Variants in RARB observed in about 807,000 individuals in gnomAD.
RARB encodes the protein HBV-activated protein.
RARB carries 17 observed loss-of-function variants against 51.9 expected under a neutral mutation model. The observed-to-expected ratio is 0.33, with a 90% CI of 0.22 to 0.49. The LOEUF (loss-of-function observed/expected upper bound fraction) is 0.49, where lower values mean the gene tolerates loss of function less well. RARB is among the 20% of genes least tolerant of loss of function. The pLI is 0.99. For synonymous variants in RARB, 215 were observed against 195.4 expected, an observed-to-expected ratio of 1.10 and a Z score of -0.84; for missense variants, 369 against 550.8, an observed-to-expected ratio of 0.67 and a Z score of 3.30.
At chr3:25,251,324 A>C (rs980709463) in intron 5 of RARB, among the ~76,000 whole-genome samples, 1 of 152,120 alleles carries the variant, frequency 6.6e-6, no homozygotes. Flanking sequence ...TAATGCTGCT[A>C]TAAATATTTG....
At chr3:25,556,800 T>C (rs1383215793) in intron 3 of RARB, among the ~76,000 whole-genome samples, 4 of 152,178 alleles carry the variant, frequency 2.6e-5, no homozygotes, top group Non-Finnish European at 4.4e-5. Flanking sequence ...CAAACTGTCC[T>C]TACAGCTGAG....
At chr3:25,252,709 C>T (rs1423088142) in intron 5 of RARB, among the ~76,000 whole-genome samples, 1 of 152,148 alleles carries the variant, frequency 6.6e-6, no homozygotes, top group Non-Finnish European at 1.5e-5. Context: ...ATTCTGCCAC[C>T]TTGCTGAACA....
At chr3:25,098,773 G>C (rs554679825) in intron 3 of RARB, among the ~76,000 whole-genome samples, 1 of 152,112 alleles carries the variant, frequency 6.6e-6, no homozygotes, top group African/African-American at 2.4e-5. Flanking sequence ...TACTGACCCC[G>C]ATCCTAAATA....
At chr3:25,196,128 T>A (rs1701227888) in intron 5 of RARB, among the ~76,000 whole-genome samples, 1 of 152,014 alleles carries the variant, frequency 6.6e-6, no homozygotes, top group South Asian at 2.1e-4. Context: ...AGTACAGGTT[T>A]ATTATGTATG....
intron 2 of RARB, among the ~76,000 whole-genome samples, chr3:25,012,630 C>G (rs1381358218): frequency 6.6e-6 from 1 of 152,126 alleles, no homozygotes; most frequent in African/African-American, 2.4e-5. Context: ...CATATTTTGA[C>G]TTTCTAATGA....
rs145859770 is a variant in RARB, at chr3:24,904,749, C to T, written c.-380+45997C>T. 7.3e-3 allele frequency among the ~76,000 whole-genome samples: 1,108 copies of T among 152,254 alleles called. 13 individuals carry two copies. Among genetic ancestry groups the T allele is most frequent in the African/African-American group, 0.025 (1,023 of 41,540 alleles). ...GCAGCACTGTTCACAATAGCAAAAA[C>T]TTGGAACCAACCCAAATGCCCATCA... is the stretch of plus-strand genomic sequence containing the variant. On this transcript the variant is annotated intron_variant, in intron 2 of 11. Coordinates refer to the RARB transcript ENST00000383772.
intron 5 of RARB, among the ~76,000 whole-genome samples, chr3:25,374,143 G>A (rs950725927): frequency 5.3e-5 from 8 of 152,154 alleles, no homozygotes; most frequent in African/African-American, 9.7e-5. Flanking sequence ...CTGAGTGGAC[G>A]TAGCTGGATG....
intron 5 of RARB, among the ~76,000 whole-genome samples, chr3:25,356,351 T>C (rs549122017): frequency 1.6e-3 from 243 of 152,256 alleles, no homozygotes; most frequent in Middle Eastern, 3.4e-3. Context: ...TTTTGACATT[T>C]TCTAAGTTTT....
At chr3:25,291,281 C>T (rs972614780) in intron 5 of RARB, among the ~76,000 whole-genome samples, 6 of 152,252 alleles carry the variant, frequency 3.9e-5, no homozygotes, top group South Asian at 2.1e-4. Flanking sequence ...AAGCATGGAA[C>T]GCTGTGCATT....
intron 5 of RARB, among the ~76,000 whole-genome samples, chr3:25,408,438 C>G (rs1340335171): frequency 6.6e-6 from 1 of 152,072 alleles, no homozygotes; most frequent in East Asian, 1.9e-4. Context: ...ACTCTCAGAT[C>G]TCATGAGAAC....
intron 2 of RARB, among the ~76,000 whole-genome samples, chr3:24,864,120 GCTTA>G (rs992310668): frequency 5.3e-5 from 8 of 152,168 alleles, no homozygotes; most frequent in South Asian, 4.1e-4. Context: ...CTTGCACTGA[GCTTA>G]CTTGTTTCAC....
chr3:25,317,941 C>A (rs766771531), intron 5 of RARB, among the ~76,000 whole-genome samples: 27 of 152,056 alleles, frequency 1.8e-4, no homozygotes, highest in Non-Finnish European at 1.3e-4. Flanking sequence ...TGGAATTAGT[C>A]TGAATTGATG....
At chr3:24,876,784 A>T (rs1387302057) in intron 2 of RARB, among the ~76,000 whole-genome samples, 2 of 152,164 alleles carry the variant, frequency 1.3e-5, no homozygotes, top group Admixed American at 1.3e-4. Context: ...AAATTTTCTT[A>T]CGTATGGAAA....
intron 3 of RARB, among the ~76,000 whole-genome samples, chr3:25,533,152 T>A (rs961107211): frequency 8.5e-5 from 13 of 152,230 alleles, no homozygotes; most frequent in African/African-American, 3.1e-4. Flanking sequence ...CAAAAAGCTC[T>A]ATTTTTATAA....
chr3:25,278,056 G>A (rs892739774), intron 5 of RARB, among the ~76,000 whole-genome samples: 5 of 152,144 alleles, frequency 3.3e-5, no homozygotes, highest in Admixed American at 6.5e-5. Context: ...ATTGCTAGAC[G>A]ATATAGTGCT....
intron 1 of RARB, among the ~76,000 whole-genome samples, chr3:25,453,232 C>T (rs1019264492): frequency 3.5e-5 from 5 of 144,162 alleles, no homozygotes; most frequent in Middle Eastern, 3.7e-3. Flanking sequence ...TGGGGTGGGG[C>T]CAAGATTCTG....
At chr3:25,088,418 C>A (rs1284818977) in intron 3 of RARB, among the ~76,000 whole-genome samples, 1 of 152,118 alleles carries the variant, frequency 6.6e-6, no homozygotes, top group Non-Finnish European at 1.5e-5. Context: ...TTTGTTCAGG[C>A]TGAAAACTTT....
intron 4 of RARB, among the ~76,000 whole-genome samples, chr3:25,160,022 A>G (rs1196865872): frequency 6.6e-6 from 1 of 152,212 alleles, no homozygotes; most frequent in Non-Finnish European, 1.5e-5. Context: ...AAACGTTTAA[A>G]AAACAAAACA....
At chr3:25,577,663 A>G (rs927681902) in intron 4 of RARB, among the ~76,000 whole-genome samples, 2 of 152,270 alleles carry the variant, frequency 1.3e-5, no homozygotes, top group African/African-American at 4.8e-5. Flanking sequence ...GGATTTAAAG[A>G]TGCTGGTGAT....
Sources: gnomAD v4.1 joint callset for allele counts (sites outside exome capture counted in the v4.1 genomes callset) on GRCh38, gnomAD v4.1.1 for gene constraint, MANE v1.5 for transcripts, NCBI Gene and HGNC (gene_info 2026-07-23, HGNC 2026-07-21) for gene names.